PTPRQ: variants seen among roughly 807,000 people sequenced by gnomAD.
The protein encoded by PTPRQ is phosphatidylinositol phosphatase PTPRQ.
In PTPRQ, 199 loss-of-function variants were observed where a neutral mutation model predicts 246.0. That is an observed-to-expected ratio of 0.81 (90% CI 0.72 to 0.91). PTPRQ has a LOEUF of 0.91. PTPRQ is among the 40% of genes least tolerant of loss of function. The pLI, the probability that PTPRQ is intolerant of heterozygous loss-of-function variation, is 0.00. For missense variants in PTPRQ, 2,624 were observed against 2,528.4 expected (o/e 1.04, Z -0.81); for synonymous variants, 869 against 853.2 (o/e 1.02, Z -0.32).
intron 3 of PTPRQ, among the ~76,000 whole-genome samples, chr12:80,446,170 A>G (rs1393657397): frequency 1.3e-5 from 2 of 151,674 alleles, no homozygotes; most frequent in African/African-American, 4.8e-5. Context: ...AGGGCAATAA[A>G]TCTGTTATAC....
rs1893136736 is a variant in PTPRQ at position 80,460,758 on chromosome 12, A to G, written c.766A>G (p.Asn256Asp). 7.5e-6 allele frequency: 3 copies of G among 400,420 alleles called. No individual in the cohort carries two copies. The highest frequency in any genetic ancestry group is 4.4e-5 in the Admixed American group (1 of 22,712). The allele number at this position is 400,420 out of a possible 1,614,324, so 24.8% of individuals were successfully genotyped here. ...ACATTCATCAAGCACGTTGACACAG[A>G]ATGAGATCAGCTCTGTGTGGAAAGA... The part of the protein sequence containing the change: ...TTHSSSTLTQ[N>D]EISSVWKEPI... Residue 256 changes from asparagine (N) to aspartate (D), a missense_variant, in exon 6 of 45, where the codon AAT becomes GAT. Coordinates refer to ENST00000644991, the MANE Select transcript of PTPRQ (RefSeq NM_001145026.2).
intron 27 of PTPRQ, among the ~76,000 whole-genome samples, chr12:80,607,686 T>C (rs951825300): frequency 6.6e-6 from 1 of 150,916 alleles, no homozygotes; most frequent in African/African-American, 2.4e-5. Flanking sequence ...TTGGGACTTA[T>C]TGTGCAGCCT....
At chr12:80,607,431 T>TTTCCTTCCTTCCTTCG (rs1898364915) in intron 27 of PTPRQ, among the ~76,000 whole-genome samples, 1 of 139,296 alleles carries the variant, frequency 7.2e-6, no homozygotes, top group African/African-American at 2.7e-5. Context: ...AGTAGAGGTA[T>TTTCCTTCCTTCCTTCG]TTCCTTCCTT....
intron 25 of PTPRQ, among the ~76,000 whole-genome samples, chr12:80,582,752 T>C (rs1179400878): frequency 6.6e-6 from 1 of 151,916 alleles, no homozygotes; most frequent in Non-Finnish European, 1.5e-5. Flanking sequence ...TCTTTGGAAG[T>C]GAGAGAAGGG....
At chr12:80,474,569 T>C (rs541338685) in intron 8 of PTPRQ, among the ~76,000 whole-genome samples, 1 of 152,344 alleles carries the variant, frequency 6.6e-6, no homozygotes, top group East Asian at 1.9e-4. Flanking sequence ...AAGCCCTCTA[T>C]ATGTCTCTTA....
intron 26 of PTPRQ, among the ~76,000 whole-genome samples, chr12:80,596,647 G>A (rs890390278): frequency 2.0e-5 from 3 of 151,990 alleles, no homozygotes; most frequent in African/African-American, 7.2e-5. Context: ...TGTAAAGTAG[G>A]TGTAATACAT....
intron 19 of PTPRQ, among the ~76,000 whole-genome samples, chr12:80,539,322 G>A (rs1044194447): frequency 2.0e-5 from 3 of 152,088 alleles, no homozygotes; most frequent in Non-Finnish European, 2.9e-5. Context: ...ATAGCGATTT[G>A]AGTTCATAGA....
intron 28 of PTPRQ, among the ~76,000 whole-genome samples, chr12:80,611,841 C>A (rs1011726293): frequency 6.7e-6 from 1 of 150,350 alleles, no homozygotes; most frequent in Non-Finnish European, 1.5e-5. Context: ...AGCATAAAAA[C>A]GTGTAGTAAC....
intron 17 of PTPRQ, among the ~76,000 whole-genome samples, chr12:80,513,630 G>T (rs974622468): frequency 6.6e-6 from 1 of 152,030 alleles, no homozygotes; most frequent in Admixed American, 6.5e-5. Context: ...CCGGGTGTGG[G>T]GCGCTAGGCA....
At chr12:80,504,801 T>C (rs1030234176) in intron 14 of PTPRQ, among the ~76,000 whole-genome samples, 1 of 151,946 alleles carries the variant, frequency 6.6e-6, no homozygotes, top group Non-Finnish European at 1.5e-5. Context: ...AATAGGCTTA[T>C]AATTCCAAAA....
intron 17 of PTPRQ, among the ~76,000 whole-genome samples, chr12:80,522,157 T>C (rs1565761808): frequency 6.6e-6 from 1 of 152,150 alleles, no homozygotes; most frequent in Non-Finnish European, 1.5e-5. Context: ...GATTTGGCTA[T>C]CTGTTTGTCT....
intron 29 of PTPRQ, among the ~76,000 whole-genome samples, chr12:80,614,710 G>A (rs1183683775): frequency 1.3e-5 from 2 of 150,856 alleles, no homozygotes; most frequent in African/African-American, 2.4e-5. Flanking sequence ...AGAGAATAAA[G>A]TAACCTGGGT....
At chr12:80,538,063 C>A (rs539049200) in intron 19 of PTPRQ, among the ~76,000 whole-genome samples, 1 of 151,914 alleles carries the variant, frequency 6.6e-6, no homozygotes, top group Non-Finnish European at 1.5e-5. Context: ...GAGCCGAGAT[C>A]GTGCCACTGC....
chr12:80,622,029 A>G (rs1057225991), intron 32 of PTPRQ, 32 bp from the exon 33 acceptor site: 9 of 1,265,144 alleles, frequency 7.1e-6, no homozygotes, highest in Admixed American at 3.5e-5. Context: ...CATGATATGC[A>G]AAGTGTTGAT....
chr12:80,453,292 T>C (rs899681543), intron 3 of PTPRQ, among the ~76,000 whole-genome samples: 2 of 152,232 alleles, frequency 1.3e-5, no homozygotes, highest in Admixed American at 6.5e-5. Context: ...AGTTTTCAAC[T>C]TCTTTGCCTT....
chr12:80,590,560 C>G (rs1041251803), intron 26 of PTPRQ, among the ~76,000 whole-genome samples: 4 of 147,678 alleles, frequency 2.7e-5, no homozygotes, highest in African/African-American at 7.5e-5. Flanking sequence ...CCCAGCTACT[C>G]GGGAGGCTGA....
chr12:80,490,718 A>G (rs1403905809), intron 9 of PTPRQ, among the ~76,000 whole-genome samples: 1 of 151,872 alleles, frequency 6.6e-6, no homozygotes, highest in South Asian at 2.1e-4. Flanking sequence ...TGAGGTTGGG[A>G]ACCCTGTATT....
intron 9 of PTPRQ, among the ~76,000 whole-genome samples, chr12:80,490,931 G>A (rs1270222237): frequency 6.6e-6 from 1 of 151,828 alleles, no homozygotes; most frequent in Non-Finnish European, 1.5e-5. Context: ...CTTTTCTTAA[G>A]AGGTTAAGTG....
chr12:80,646,002 A>G (rs1009354166), intron 35 of PTPRQ, among the ~76,000 whole-genome samples: 2 of 152,148 alleles, frequency 1.3e-5, no homozygotes, highest in African/African-American at 2.4e-5. Flanking sequence ...TTGGATTTGA[A>G]AGCTAGATAT....
Sources: gnomAD v4.1 joint callset for allele counts (sites outside exome capture counted in the v4.1 genomes callset) on GRCh38, gnomAD v4.1.1 for gene constraint, MANE v1.5 for transcripts, NCBI Gene and HGNC (gene_info 2026-07-23, HGNC 2026-07-21) for gene names.